Variants in VWA3B observed in about 807,000 individuals in gnomAD.
VWA3B encodes von Willebrand factor A domain containing 3B.
In VWA3B, 138 loss-of-function variants were observed where a neutral mutation model predicts 158.3. The ratio of observed to expected loss-of-function variants is 0.87; its 90% confidence interval spans 0.76 to 1.00. The LOEUF (loss-of-function observed/expected upper bound fraction) is 1.00. Among genes scored for constraint, VWA3B ranks in the 50% least tolerant of loss-of-function variants. The pLI is 0.00. For synonymous variants in VWA3B, 596 were observed against 587.3 expected, an observed-to-expected ratio of 1.01 and a Z score of -0.21; for missense variants, 1,555 against 1,565.1, an observed-to-expected ratio of 0.99 and a Z score of 0.11.
At chr2:98,195,864 A>T (rs1305097010) in intron 12 of VWA3B, among the ~76,000 whole-genome samples, 5 of 152,202 alleles carry the variant, frequency 3.3e-5, no homozygotes, top group Non-Finnish European at 7.3e-5. Context: ...GAATGTCCAA[A>T]ATTCATTTTC....
At position 98,175,557 on chromosome 2, in the gene VWA3B, C is replaced by T. The variant is rs141719704; in HGVS notation, c.1115-5459C>T. 4.9e-3 allele frequency among the ~76,000 whole-genome samples: 745 copies of T among 152,084 alleles called. 7 individuals are homozygous for T. Among genetic ancestry groups the T allele is most frequent in the Middle Eastern group, 0.02 (6 of 294 alleles). ...AAAAGGAATAAAGAATGAAAAAAAC[C>T]AAACAGAGTCTTAGAGACCAATGGC... On this transcript the variant is annotated intron_variant, in intron 8 of 27. Coordinates refer to ENST00000477737, the MANE Select transcript of VWA3B (RefSeq NM_144992.5).
At chr2:98,313,991 A>G (rs1691032518), downstream of VWA3B, among the ~76,000 whole-genome samples, 1 of 152,180 alleles carries the variant, frequency 6.6e-6, no homozygotes, top group Non-Finnish European at 1.5e-5. Flanking sequence ...AAAACAACTA[A>G]CACACCTGCT....
chr2:98,090,685 C>T (rs1209407201), intron 1 of VWA3B, among the ~76,000 whole-genome samples: 1 of 152,022 alleles, frequency 6.6e-6, no homozygotes, highest in Non-Finnish European at 1.5e-5. Flanking sequence ...TATACCTTTG[C>T]AACTCAACAT....
chr2:98,233,187 C>T (rs1212734460), intron 16 of VWA3B, among the ~76,000 whole-genome samples: 1 of 152,164 alleles, frequency 6.6e-6, no homozygotes, highest in Non-Finnish European at 1.5e-5. Flanking sequence ...TTGTCACTGC[C>T]ACCATTTCAC....
chr2:98,157,436 T>C (rs2105209775), intron 7 of VWA3B, among the ~76,000 whole-genome samples: 1 of 152,336 alleles, frequency 6.6e-6, no homozygotes, highest in South Asian at 2.1e-4. Flanking sequence ...TAACATATAA[T>C]ATAATAGAAA....
intron 8 of VWA3B, among the ~76,000 whole-genome samples, chr2:98,177,597 TG>T (rs1262897255): frequency 8.0e-5 from 12 of 150,742 alleles, no homozygotes; most frequent in Admixed American, 2.7e-4. Flanking sequence ...AGCTTTAGAG[TG>T]CCTGGGTTCT....
downstream of VWA3B, among the ~76,000 whole-genome samples, chr2:98,317,984 G>C (rs1691124185): frequency 6.6e-6 from 1 of 152,218 alleles, no homozygotes; most frequent in Non-Finnish European, 1.5e-5. Context: ...TAAACACTAT[G>C]ATATCTGTAT....
intron 7 of VWA3B, among the ~76,000 whole-genome samples, chr2:98,159,236 GT>G (rs1173937781): frequency 1.3e-5 from 2 of 151,936 alleles, no homozygotes; most frequent in Non-Finnish European, 2.9e-5. Context: ...CCTGCAAATT[GT>G]TTTTTTGTTT....
chr2:98,298,476 C>T (rs558351887), intron 24 of VWA3B, among the ~76,000 whole-genome samples: 1 of 150,956 alleles, frequency 6.6e-6, no homozygotes, highest in Non-Finnish European at 1.5e-5. Flanking sequence ...GCCATCCCAC[C>T]CCATCCCATC....
intron 7 of VWA3B, among the ~76,000 whole-genome samples, chr2:98,148,711 C>A (rs1391466108): frequency 6.6e-6 from 1 of 152,140 alleles, no homozygotes; most frequent in Non-Finnish European, 1.5e-5. Context: ...GTAACAACTG[C>A]CTTCACACCA....
chr2:98,142,866 G>C (rs910319798), intron 7 of VWA3B, among the ~76,000 whole-genome samples: 4 of 152,150 alleles, frequency 2.6e-5, no homozygotes, highest in Non-Finnish European at 4.4e-5. Flanking sequence ...CTGGCCATAC[G>C]TGGCTGGAGA....
intron 7 of VWA3B, among the ~76,000 whole-genome samples, chr2:98,160,582 T>C (rs1678493478): frequency 6.6e-6 from 1 of 152,200 alleles, no homozygotes; most frequent in South Asian, 2.1e-4. Flanking sequence ...TGTGGTGTAC[T>C]CCCTCTTAAG....
At chr2:98,290,483 T>C in intron 22 of VWA3B, 28 bp from the exon 23 acceptor site, 1 of 1,508,396 alleles carries the variant, frequency 6.6e-7, no homozygotes, top group Non-Finnish European at 9.0e-7. Context: ...CTTTTTCTCA[T>C]CAATTATTTC....
chr2:98,294,057 G>A (rs1689647544), intron 23 of VWA3B, among the ~76,000 whole-genome samples: 1 of 151,670 alleles, frequency 6.6e-6, no homozygotes, highest in Non-Finnish European at 1.5e-5. Context: ...ATCATTGCCG[G>A]CCAGAATACT....
chr2:98,196,345 A>G (rs1181693666), intron 12 of VWA3B, among the ~76,000 whole-genome samples: 3 of 152,212 alleles, frequency 2.0e-5, no homozygotes, highest in East Asian at 3.8e-4. Flanking sequence ...CACAACATAT[A>G]CATATATCAA....
At chr2:98,224,417 A>G (rs1188903672) in intron 14 of VWA3B, among the ~76,000 whole-genome samples, 1 of 152,202 alleles carries the variant, frequency 6.6e-6, no homozygotes, top group Non-Finnish European at 1.5e-5. Flanking sequence ...GAGAAGGTAA[A>G]GGGACCTGAA....
rs552710764 is a variant in VWA3B, at chr2:98,312,964, T to C, written c.*615T>C. The C allele has an allele frequency of 1.3e-5, 2 of 152,362 alleles. No individual in the cohort carries two copies. The highest frequency in any genetic ancestry group is 4.1e-4 in the South Asian group (2 of 4,824). The allele number at this position is 152,362 out of a possible 1,614,324, so 9.4% of individuals were successfully genotyped here. A position where few individuals can be genotyped will look rare whatever the true frequency, so the allele number is the denominator to read the frequency against. ...TCAAAACCATTGGATTGTTGGATTA[T>C]TTGTTACCATTTTTCTCTGAACACA... On this transcript the variant is annotated 3_prime_UTR_variant, in exon 28 of 28. Coordinates refer to ENST00000477737, the MANE Select transcript of VWA3B (RefSeq NM_144992.5).
chr2:98,325,718 G>A, the VWA3B span, among the ~76,000 whole-genome samples: 1 of 152,148 alleles, frequency 6.6e-6, no homozygotes, highest in Admixed American at 6.6e-5. Context: ...ATAGGAACAC[G>A]TGGAGGGGTG....
At chr2:98,219,519 T>C (rs921415992) in intron 14 of VWA3B, among the ~76,000 whole-genome samples, 2 of 152,062 alleles carry the variant, frequency 1.3e-5, no homozygotes, top group Admixed American at 1.3e-4. Flanking sequence ...AATAAACACA[T>C]AACTGAAGCA....
Sources: gnomAD v4.1 joint callset for allele counts (sites outside exome capture counted in the v4.1 genomes callset) on GRCh38, gnomAD v4.1.1 for gene constraint, MANE v1.5 for transcripts, NCBI Gene and HGNC (gene_info 2026-07-23, HGNC 2026-07-21) for gene names.